Variants in KIAA1549L observed in about 807,000 individuals in gnomAD.
The protein encoded by KIAA1549L is UPF0606 protein KIAA1549L.
A neutral mutation model predicts 160.7 loss-of-function variants in KIAA1549L; 88 were observed. The ratio of observed to expected loss-of-function variants is 0.55; its 90% confidence interval spans 0.46 to 0.65. KIAA1549L has a LOEUF of 0.65. KIAA1549L is among the 30% of genes least tolerant of loss of function. The pLI is 0.00. For synonymous variants in KIAA1549L, 950 were observed against 976.7 expected (o/e 0.97, Z 0.51); for missense variants, 2,258 against 2,437.5 (o/e 0.93, Z 1.55).
At chr11:33,624,919 C>T (rs1851059246) in intron 16 of KIAA1549L, among the ~76,000 whole-genome samples, 1 of 125,586 alleles carries the variant, frequency 8.0e-6, no homozygotes, top group South Asian at 3.2e-4. Context: ...TCCCCCCACC[C>T]CACAACAGTC....
intron 1 of KIAA1549L, among the ~76,000 whole-genome samples, chr11:33,506,396 G>C (rs1853089400): frequency 6.6e-6 from 1 of 151,980 alleles, no homozygotes; most frequent in Non-Finnish European, 1.5e-5. Context: ...CTGATGGTTT[G>C]TTTCATCACC....
chr11:33,653,780 G>A (rs1048399719), intron 17 of KIAA1549L, among the ~76,000 whole-genome samples: 2 of 151,146 alleles, frequency 1.3e-5, no homozygotes, highest in Non-Finnish European at 2.9e-5. Flanking sequence ...CTATCTTCTC[G>A]GCCCATTGTG....
intron 1 of KIAA1549L, among the ~76,000 whole-genome samples, chr11:33,382,178 A>T (rs1475021486): frequency 6.6e-6 from 1 of 152,174 alleles, no homozygotes; most frequent in Non-Finnish European, 1.5e-5. Context: ...TTACTGCAGC[A>T]TTCAGGGGTT....
At chr11:33,497,194 C>T (rs764250361) in intron 1 of KIAA1549L, among the ~76,000 whole-genome samples, 6 of 152,072 alleles carry the variant, frequency 3.9e-5, no homozygotes, top group Non-Finnish European at 8.8e-5. Context: ...CCCATTAGAA[C>T]CTAAATGCTG....
intron 1 of KIAA1549L, among the ~76,000 whole-genome samples, chr11:33,439,638 C>T (rs533653183): frequency 2.7e-5 from 4 of 147,760 alleles, no homozygotes; most frequent in Non-Finnish European, 6.0e-5. Flanking sequence ...GTCTCGATCT[C>T]CTGACCTCGT....
chr11:33,471,900 T>A (rs372536675), intron 1 of KIAA1549L, among the ~76,000 whole-genome samples: 10 of 152,320 alleles, frequency 6.6e-5, no homozygotes, highest in Non-Finnish European at 1.2e-4. Flanking sequence ...ATGAACAGTC[T>A]CATGGAAGTA....
At chr11:33,420,339 C>T (rs997966125) in intron 1 of KIAA1549L, among the ~76,000 whole-genome samples, 3 of 151,376 alleles carry the variant, frequency 2.0e-5, no homozygotes, top group African/African-American at 7.3e-5. Flanking sequence ...AGCAACCCTC[C>T]CACCTCAGCT....
intron 1 of KIAA1549L, among the ~76,000 whole-genome samples, chr11:33,432,111 CCG>C (rs1436634698): frequency 3.9e-5 from 6 of 152,230 alleles, no homozygotes; most frequent in Admixed American, 3.3e-4. Flanking sequence ...GTCCCGGTTC[CCG>C]CTCGCACCTC....
intron 1 of KIAA1549L, among the ~76,000 whole-genome samples, chr11:33,426,643 C>G (rs887555214): frequency 6.6e-6 from 1 of 152,112 alleles, no homozygotes; most frequent in Non-Finnish European, 1.5e-5. Context: ...AATCTGGGTA[C>G]CAACTGCTTG....
chr11:33,583,588 C>A, intron 11 of KIAA1549L, 87 bp downstream of exon 11: 2 of 1,234,796 alleles, frequency 1.6e-6, no homozygotes, highest in Non-Finnish European at 2.2e-6. Context: ...GAGGCCATTG[C>A]CAGAGCCTGC....
In KIAA1549L at chr11:33,606,794, A is replaced by G; in HGVS notation, c.5033A>G (p.Gln1678Arg). 1.2e-6 allele frequency: 2 copies of G among 1,612,260 alleles called. No homozygotes were observed. The highest frequency in any genetic ancestry group is 1.3e-5 in the African/African-American group (1 of 75,008). Reference protein sequence around the residue: ...PMVPPTSDRSQESSAVLNGEV... With the variant: ...PMVPPTSDRSRESSAVLNGEV... ...GTGCCCCCCACCTCGGACAGGAGCCAGGAGTCATCGGCAGTCCTCAACGGC... is the reference window on the plus strand; with the variant it reads ...GTGCCCCCCACCTCGGACAGGAGCCGGGAGTCATCGGCAGTCCTCAACGGC... Residue 1678 changes from glutamine to arginine, a missense_variant, in exon 14 of 21, where the codon CAG becomes CGG. Transcript: ENST00000658780.
chr11:33,407,204 C>A (rs1243705913), intron 1 of KIAA1549L, among the ~76,000 whole-genome samples: 1 of 147,476 alleles, frequency 6.8e-6, no homozygotes, highest in Non-Finnish European at 1.5e-5. Context: ...CCTGCCTCAG[C>A]CTCCCGAGTA....
intron 1 of KIAA1549L, among the ~76,000 whole-genome samples, chr11:33,515,135 C>A (rs144231986): frequency 1.2e-4 from 19 of 152,308 alleles, no homozygotes; most frequent in Non-Finnish European, 2.1e-4. Flanking sequence ...GAATAAAAGC[C>A]ACCTGAGCTG....
rs1232443991 is a variant in KIAA1549L at position 33,376,783 on chromosome 11, G to A, written c.132G>A (p.Arg44=). 1.3e-5 allele frequency: 2 copies of A among 151,846 alleles called. No homozygotes were observed. Among genetic ancestry groups the A allele is most frequent in the African/African-American group, 4.8e-5 (2 of 41,382 alleles). 9.4% of individuals were successfully genotyped at this position (151,846 alleles called of 1,614,324 possible). ...AWGAARCTGV[R]GPGAGASHDA... The stretch of plus-strand genomic sequence containing the variant: ...GAGCCGCGCGCTGCACGGGTGTGAG[G>A]GGCCCCGGGGCCGGCGCGTCCCACG... Residue 44 remains arginine, a synonymous_variant, in exon 1 of 21, where the codon AGG becomes AGA. Coordinates refer to ENST00000658780, the MANE Select transcript of KIAA1549L (RefSeq NM_012194.3). This position sits in a 1 kb window ranked among gnomAD's most constrained non-coding sequence, Gnocchi z 5.8.
At chr11:33,561,592 T>C in intron 7 of KIAA1549L, 84 bp from the exon 8 acceptor site, 1 of 1,092,302 alleles carries the variant, frequency 9.2e-7, no homozygotes, top group Non-Finnish European at 1.4e-6. Context: ...CATATCAAGA[T>C]CCCATCTCAA....
At chr11:33,525,462 C>T (rs1227498883) in intron 1 of KIAA1549L, among the ~76,000 whole-genome samples, 1 of 152,156 alleles carries the variant, frequency 6.6e-6, no homozygotes, top group Non-Finnish European at 1.5e-5. Flanking sequence ...CTGGCCTTAT[C>T]TCACAGGAGT....
chr11:33,436,318 A>G (rs1284237932), intron 1 of KIAA1549L, among the ~76,000 whole-genome samples: 2 of 152,244 alleles, frequency 1.3e-5, no homozygotes, highest in East Asian at 3.9e-4. Flanking sequence ...GCAATTGGCA[A>G]GCTGCAGACC....
At chr11:33,551,336 G>T (rs1044434560) in intron 5 of KIAA1549L, 77 bp downstream of exon 5, 9 of 1,212,920 alleles carry the variant, frequency 7.4e-6, no homozygotes, top group Admixed American at 5.9e-5. Flanking sequence ...CTGTTTAAAA[G>T]CTCCATTGCT....
intron 1 of KIAA1549L, among the ~76,000 whole-genome samples, chr11:33,431,824 C>T (rs1851250979): frequency 6.6e-6 from 1 of 152,250 alleles, no homozygotes; most frequent in Non-Finnish European, 1.5e-5. Context: ...GCTCGGGCTG[C>T]ACAGGAACCC....
Sources: gnomAD v4.1 joint callset for allele counts (sites outside exome capture counted in the v4.1 genomes callset) on GRCh38, gnomAD v4.1.1 for gene constraint, Gnocchi (gnomAD v3.1) non-coding constraint, MANE v1.5 for transcripts, NCBI Gene and HGNC (gene_info 2026-07-23, HGNC 2026-07-21) for gene names.